HTR2C: variants seen among roughly 807,000 people sequenced by gnomAD.
HTR2C encodes the protein 5-hydroxytryptamine (serotonin) receptor 2C, G protein-coupled.
HTR2C carries 5 observed loss-of-function variants against 21.0 expected under a neutral mutation model. The ratio of observed to expected loss-of-function variants is 0.24; its 90% CI spans 0.12 to 0.50. HTR2C has a LOEUF of 0.50. HTR2C is among the 20% of genes least tolerant of loss of function. HTR2C has a pLI of 0.98. For missense variants in HTR2C, 271 were observed against 371.2 expected, an observed-to-expected ratio of 0.73 and a Z score of 2.22; for synonymous variants, 150 against 145.3, an observed-to-expected ratio of 1.03 and a Z score of -0.23.
intron 2 of HTR2C, among the ~76,000 whole-genome samples, chrX:114,720,658 C>A: frequency 2.0e-5 from 1 of 49,554 alleles, no homozygotes; most frequent in Middle Eastern, 0.012. Context: ...CAATGCTATC[C>A]CTCCCCCCTC....
intron 2 of HTR2C, among the ~76,000 whole-genome samples, chrX:114,638,522 A>ATTTATTTATTTATTTATTTATT (rs1556405752): frequency 1.4e-4 from 3 of 22,056 alleles, no homozygotes; most frequent in Admixed American, 6.5e-4. Context: ...TTTATTTATT[A>ATTTATTTATTTATTTATTTATT]TTTTTTTCTT....
chrX:114,651,719 CT>C (rs1478510452), intron 2 of HTR2C: 1 of 123,856 alleles, frequency 8.1e-6, no homozygotes, highest in Non-Finnish European at 1.9e-5. Context: ...TGTTTACTAA[CT>C]ATGCTTCCAA....
intron 4 of HTR2C, among the ~76,000 whole-genome samples, chrX:114,815,841 C>T (rs1336540628): frequency 2.7e-5 from 3 of 111,335 alleles, no homozygotes; most frequent in African/African-American, 9.8e-5. Flanking sequence ...ATTGCCCCTC[C>T]TCTGTGATCA....
chrX:114,707,026 A>G (rs1827852393), intron 2 of HTR2C, among the ~76,000 whole-genome samples: 1 of 111,836 alleles, frequency 8.9e-6, no homozygotes, highest in South Asian at 3.6e-4. Flanking sequence ...AATGAACCAA[A>G]ACAAAAAATT....
In HTR2C at chrX:114,730,951, A is replaced by T. The variant is rs1272291363; in HGVS notation, c.36-343A>T. 2.7e-5 allele frequency among the ~76,000 whole-genome samples: 3 copies of T among 111,314 alleles called. No homozygotes were observed. The Admixed American group carries it at 2.9e-4, about 11-fold the overall frequency. ...CTGTTTAGGCTTGAAAAAGTTACTTACCCTTTCTGAACTTTACTCAGTCTT... is the reference window on the plus strand; with the variant it reads ...CTGTTTAGGCTTGAAAAAGTTACTTTCCCTTTCTGAACTTTACTCAGTCTT... On this transcript the variant is annotated intron_variant, in intron 3 of 5. Transcript: ENST00000276198.
At chrX:114,816,538 G>A (rs1293343071) in intron 4 of HTR2C, among the ~76,000 whole-genome samples, 3 of 110,347 alleles carry the variant, frequency 2.7e-5, no homozygotes, top group African/African-American at 6.6e-5. Flanking sequence ...ACTGCAGTAG[G>A]TTAAACACCA....
At chrX:114,605,510 T>G (rs1336048890) in intron 1 of HTR2C, among the ~76,000 whole-genome samples, 2 of 111,048 alleles carry the variant, frequency 1.8e-5, no homozygotes, top group Non-Finnish European at 3.8e-5. Flanking sequence ...AGGAAGGGAC[T>G]GACGTGTAAA....
At chrX:114,755,217 G>A (rs1556429656) in intron 4 of HTR2C, among the ~76,000 whole-genome samples, 1 of 106,886 alleles carries the variant, frequency 9.4e-6, no homozygotes, top group Non-Finnish European at 1.9e-5. Context: ...TCCAGCCTGG[G>A]GGACAAGAGC....
At chrX:114,640,234 G>A (rs1170239912) in intron 2 of HTR2C, among the ~76,000 whole-genome samples, 2 of 111,292 alleles carry the variant, frequency 1.8e-5, no homozygotes, top group East Asian at 2.8e-4. Flanking sequence ...ACGAATCCTC[G>A]AACCATAAAA....
intron 5 of HTR2C, among the ~76,000 whole-genome samples, chrX:114,884,973 A>G (rs1556480850): frequency 9.1e-6 from 1 of 110,292 alleles, no homozygotes; most frequent in Admixed American, 9.8e-5. Context: ...CAGCCTGGAG[A>G]ATGTGCGAGG....
intron 4 of HTR2C, among the ~76,000 whole-genome samples, chrX:114,842,995 G>A (rs1556466099): frequency 1.8e-5 from 2 of 111,747 alleles, no homozygotes; most frequent in African/African-American, 6.5e-5. Flanking sequence ...TTCAGGAAGG[G>A]AAGAAAATCT....
chrX:114,687,786 G>T (rs1931967042), intron 2 of HTR2C, among the ~76,000 whole-genome samples: 1 of 111,562 alleles, frequency 9.0e-6, no homozygotes, highest in Non-Finnish European at 1.9e-5. Context: ...TATTTTGTCT[G>T]CCTTCTTTTA....
chrX:114,736,985 A>T (rs1188553575), intron 4 of HTR2C, among the ~76,000 whole-genome samples: 4 of 111,151 alleles, frequency 3.6e-5, no homozygotes, highest in Non-Finnish European at 7.5e-5. Context: ...CACATAAAGG[A>T]GTGAACAGAG....
At chrX:114,643,857 CAT>C (rs1374075729) in intron 2 of HTR2C, among the ~76,000 whole-genome samples, 1 of 111,514 alleles carries the variant, frequency 9.0e-6, no homozygotes, top group African/African-American at 3.3e-5. Flanking sequence ...ATAAAGAAGA[CAT>C]ATTTTAGATT....
chrX:114,672,297 T>TAG (rs1161550590), intron 2 of HTR2C, among the ~76,000 whole-genome samples: 1 of 110,806 alleles, frequency 9.0e-6, no homozygotes, highest in African/African-American at 3.3e-5. Context: ...GAGGCTGAGG[T>TAG]AGAAGAGTCG....
At chrX:114,675,158 A>G (rs1931507711) in intron 2 of HTR2C, among the ~76,000 whole-genome samples, 1 of 111,934 alleles carries the variant, frequency 8.9e-6, no homozygotes, top group African/African-American at 3.2e-5. Flanking sequence ...TTATAAGACA[A>G]CTGTCATACT....
intron 4 of HTR2C, among the ~76,000 whole-genome samples, chrX:114,806,792 TACCATATATATAC>T (rs2070454443): frequency 1.1e-5 from 1 of 94,829 alleles, no homozygotes; most frequent in Non-Finnish European, 2.0e-5. Flanking sequence ...ACCATATATA[TACCATATATATAC>T]ACCATATATA....
intron 4 of HTR2C, among the ~76,000 whole-genome samples, chrX:114,767,281 T>C (rs1830581539): frequency 9.0e-6 from 1 of 111,067 alleles, no homozygotes; most frequent in South Asian, 3.7e-4. Flanking sequence ...ATACATGGGA[T>C]AATTAGAACA....
intron 1 of HTR2C, among the ~76,000 whole-genome samples, chrX:114,606,519 C>T (rs1168534032): frequency 9.0e-6 from 1 of 111,335 alleles, no homozygotes. Context: ...AACATGTCTC[C>T]TTTGTCTCTC....
Sources: allele counts gnomAD v4.1 joint callset (sites outside exome capture counted in the v4.1 genomes callset), GRCh38; gene constraint gnomAD v4.1.1; transcripts MANE v1.5; gene names NCBI Gene and HGNC (gene_info 2026-07-23, HGNC 2026-07-21).